The following THADA variants were observed in gnomAD, a reference collection of about 807,000 sequenced individuals.
THADA encodes tRNA (32-2'-O)-methyltransferase regulator THADA.
THADA carries 213 observed loss-of-function variants against 219.8 expected under a neutral mutation model. The observed-to-expected ratio is 0.97, with a 90% CI of 0.87 to 1.09. The LOEUF is 1.09. Ranked by LOEUF, THADA falls within the 50% of genes least tolerant of loss-of-function variation. The probability of loss-of-function intolerance (pLI) is 0.00; values close to 1 mark genes in which losing one functional copy is unlikely to be tolerated. For synonymous variants in THADA, 1,018 were observed against 828.9 expected (o/e 1.23, Z -3.92); for missense variants, 2,956 against 2,311.3 (o/e 1.28, Z -5.72).
At chr2:43,370,575 C>G (rs1670685001) in intron 29 of THADA, among the ~76,000 whole-genome samples, 1 of 151,872 alleles carries the variant, frequency 6.6e-6, no homozygotes, top group Admixed American at 6.6e-5. Context: ...GAATATAGGC[C>G]CCTTTCTAAA....
chr2:43,512,122 G>C (rs1690551786), intron 22 of THADA, among the ~76,000 whole-genome samples: 1 of 152,172 alleles, frequency 6.6e-6, no homozygotes, highest in South Asian at 2.1e-4. Context: ...GTCAAGGCTG[G>C]CAAAATGCCA....
chr2:43,564,625 A>G (rs892647590), intron 15 of THADA: 5 of 152,226 alleles, frequency 3.3e-5, no homozygotes, highest in African/African-American at 1.2e-4. Context: ...CACAGCTTCT[A>G]AAGATTTGAT....
intron 9 of THADA, among the ~76,000 whole-genome samples, 171 bp from the exon 10 acceptor site, chr2:43,577,413 A>T (rs1699975678): frequency 6.6e-6 from 1 of 152,254 alleles, no homozygotes; most frequent in African/African-American, 2.4e-5. Context: ...ATTAAAGGAA[A>T]AAAATTACAT....
At chr2:43,455,608 T>A (rs1458452078) in intron 26 of THADA, among the ~76,000 whole-genome samples, 2 of 152,124 alleles carry the variant, frequency 1.3e-5, no homozygotes. Flanking sequence ...AATGCTATAA[T>A]GTGTAAAACA....
chr2:43,445,727 G>A (rs1324390712), intron 26 of THADA, among the ~76,000 whole-genome samples: 1 of 152,128 alleles, frequency 6.6e-6, no homozygotes, highest in Non-Finnish European at 1.5e-5. Flanking sequence ...GGCTAAGAGT[G>A]CGGTAGCACA....
intron 36 of THADA, among the ~76,000 whole-genome samples, chr2:43,268,741 C>A (rs1316585795): frequency 2.6e-5 from 4 of 152,188 alleles, no homozygotes; most frequent in African/African-American, 9.7e-5. Context: ...ACTTCTCGGG[C>A]AGCACTGTCA....
intron 36 of THADA, among the ~76,000 whole-genome samples, chr2:43,245,645 A>G (rs1669070376): frequency 2.0e-5 from 3 of 152,124 alleles, no homozygotes; most frequent in Non-Finnish European, 4.4e-5. Flanking sequence ...AGAGAGGAAA[A>G]GCAAATGACT....
At chr2:43,296,936 A>G (rs888708357) in intron 31 of THADA, among the ~76,000 whole-genome samples, 8 of 148,646 alleles carry the variant, frequency 5.4e-5, no homozygotes, top group Non-Finnish European at 8.9e-5. Context: ...AAGTGCCGAG[A>G]TTGCAGCCTC....
chr2:43,446,472 C>T (rs567372355), intron 26 of THADA, among the ~76,000 whole-genome samples: 1 of 152,266 alleles, frequency 6.6e-6, no homozygotes, highest in East Asian at 1.9e-4. Flanking sequence ...GCCACTTTGG[C>T]CCCCAGTCAT....
Position 43,581,758 on chromosome 2 carries a change from G to C in THADA, c.704C>G (p.Thr235Ser), listed in dbSNP as rs368496560. Residue 235 changes from threonine (T) to serine (S), a missense_variant, in exon 8 of 38, where the codon ACC (threonine) becomes AGC (serine). Coordinates refer to ENST00000405975, the MANE Select transcript of THADA (RefSeq NM_022065.5). ...ACACTTACCATCGCTTAAAACCTTG[G>C]TAAAAATACTCAGCAATCCACACAT... ...QNMCGLLSIF[T>S]KVLSDDDLLQ... is the part of the protein sequence containing the mutation. The C allele has an allele frequency of 5.0e-6, 8 of 1,610,448 alleles. No individual in the cohort carries two copies. The highest frequency in any genetic ancestry group is 6.8e-6 in the Non-Finnish European group (8 of 1,179,224).
intron 22 of THADA, among the ~76,000 whole-genome samples, chr2:43,512,307 T>G (rs1406861931): frequency 1.3e-5 from 2 of 152,162 alleles, no homozygotes; most frequent in Non-Finnish European, 2.9e-5. Context: ...GTTTCCAGTG[T>G]GAACTCTACC....
intron 31 of THADA, among the ~76,000 whole-genome samples, chr2:43,306,022 T>C (rs1377892997): frequency 1.4e-5 from 2 of 141,078 alleles, no homozygotes; most frequent in Non-Finnish European, 3.1e-5. Flanking sequence ...GGTCTTACTC[T>C]TGTTACCACG....
At chr2:43,552,645 G>A (rs762529469) in intron 17 of THADA, among the ~76,000 whole-genome samples, 28 of 151,760 alleles carry the variant, frequency 1.8e-4, no homozygotes, top group Non-Finnish European at 3.8e-4. Flanking sequence ...ACAGCAGATG[G>A]CTTTCAAATT....
In THADA at chr2:43,327,695, C is replaced by G. The variant is rs187257457; in HGVS notation, c.4344-7155G>C. 4.6e-5 allele frequency among the ~76,000 whole-genome samples: 7 copies of G among 152,238 alleles called. No individual in the cohort carries two copies. The East Asian group carries it at 1.2e-3, about 25-fold the overall frequency. On this transcript the variant is annotated intron_variant, in intron 30 of 37. Transcript: ENST00000405975. ...CTGACATGGAAGGATTGCTTGAGAT[C>G]AGGAGTTCAAGACCAGCCTGGGCAA...
At chr2:43,302,466 T>C (rs1676379073) in intron 31 of THADA, among the ~76,000 whole-genome samples, 1 of 152,040 alleles carries the variant, frequency 6.6e-6, no homozygotes, top group Non-Finnish European at 1.5e-5. Flanking sequence ...TTTTTTTTTT[T>C]TTCACTCTTT....
intron 30 of THADA, among the ~76,000 whole-genome samples, chr2:43,332,801 T>C (rs935493136): frequency 2.6e-5 from 4 of 152,222 alleles, no homozygotes; most frequent in Admixed American, 6.5e-5. Flanking sequence ...GAGCCCTCTA[T>C]TGAACTAACT....
chr2:43,410,546 T>C (rs1441444935), intron 28 of THADA, among the ~76,000 whole-genome samples: 2 of 152,208 alleles, frequency 1.3e-5, no homozygotes, highest in African/African-American at 4.8e-5. Context: ...GAATACCATT[T>C]GGCAATAAAA....
At chr2:43,595,483 G>T (rs1013432341) in intron 1 of THADA, among the ~76,000 whole-genome samples, 1 of 152,218 alleles carries the variant, frequency 6.6e-6, no homozygotes, top group Non-Finnish European at 1.5e-5. Flanking sequence ...ATTTGCTCTT[G>T]CAATTCTGAG....
chr2:43,270,646 G>C (rs1329204495), intron 36 of THADA, among the ~76,000 whole-genome samples: 1 of 152,106 alleles, frequency 6.6e-6, no homozygotes, highest in Admixed American at 6.5e-5. Context: ...ATCTGCCTTG[G>C]GACGTTGGGC....
Sources: gnomAD v4.1 joint callset for allele counts (sites outside exome capture counted in the v4.1 genomes callset) on GRCh38, gnomAD v4.1.1 for gene constraint, MANE v1.5 for transcripts, NCBI Gene and HGNC (gene_info 2026-07-23, HGNC 2026-07-21) for gene names.